TMEM163: variants seen among roughly 807,000 people sequenced by gnomAD.
TMEM163 encodes transmembrane protein 163.
TMEM163 carries 17 observed loss-of-function variants against 29.3 expected under a neutral mutation model. That is an observed-to-expected ratio of 0.58 (90% CI 0.40 to 0.87). The LOEUF (loss-of-function observed/expected upper bound fraction) is 0.87, where lower values mean the gene tolerates loss of function less well. Ranked by LOEUF, TMEM163 falls within the 40% of genes least tolerant of loss-of-function variation. TMEM163 has a pLI of 0.00. For missense variants in TMEM163, 303 were observed against 381.5 expected (o/e 0.79, Z 1.71); for synonymous variants, 157 against 160.6 (o/e 0.98, Z 0.17).
chr2:134,578,056 T>G (rs1182207588), intron 2 of TMEM163, among the ~76,000 whole-genome samples: 2 of 152,160 alleles, frequency 1.3e-5, no homozygotes, highest in African/African-American at 4.8e-5. Flanking sequence ...ATGACTCTAC[T>G]TCTATCATAA....
chr2:134,715,824 G>C (rs1685026651), intron 1 of TMEM163, among the ~76,000 whole-genome samples: 1 of 152,236 alleles, frequency 6.6e-6, no homozygotes, highest in African/African-American at 2.4e-5. Flanking sequence ...CCTCGGATTT[G>C]CAGGCAGGGC....
rs924525727 is a variant in TMEM163 at position 134,460,371 on chromosome 2, C to G, written c.668-2198G>C. On this transcript the variant is annotated intron_variant, in intron 6 of 7. Transcript: ENST00000281924. The surrounding 1 kb of genome is among the most constrained non-coding windows in gnomAD (Gnocchi z 4.3). ...GCCCTCAGCCCCTAAACTTCCTCCC[C>G]TCCACCCACCACTCCCTCCTGCCTC... is the stretch of plus-strand genomic sequence containing the variant. Among the ~76,000 whole-genome samples the G allele has an allele frequency of 2.0e-5, 3 of 152,130 alleles. No individual in the cohort carries two copies. The highest frequency in any genetic ancestry group is 4.4e-5 in the Non-Finnish European group (3 of 68,026).
Position 134,587,397 on chromosome 2 carries a change from C to T in TMEM163, c.323-35306G>A, listed in dbSNP as rs776247883. Among the ~76,000 whole-genome samples the T allele has an allele frequency of 9.9e-5, 15 of 152,138 alleles. No homozygotes were observed. In the East Asian group the frequency reaches 1.2e-3, roughly 12 times the overall value. The stretch of plus-strand genomic sequence containing the variant: ...TTGCACTCCAGCCTGGGTGACAGAG[C>T]GGGACTCTGTCAAAACAAACAAAGA... On this transcript the variant is annotated intron_variant, in intron 2 of 7. Transcript: ENST00000281924.
chr2:134,619,233 AC>A (rs1411956621), intron 2 of TMEM163, among the ~76,000 whole-genome samples: 2 of 152,206 alleles, frequency 1.3e-5, no homozygotes, highest in Non-Finnish European at 2.9e-5. Context: ...AAAGTAGAAG[AC>A]GAAGGAGCAC....
At chr2:134,536,431 C>T (rs543251279) in intron 4 of TMEM163, among the ~76,000 whole-genome samples, 6 of 152,210 alleles carry the variant, frequency 3.9e-5, no homozygotes, top group East Asian at 3.9e-4. Context: ...ACATAGCACG[C>T]GAAGACTCCC....
intron 2 of TMEM163, among the ~76,000 whole-genome samples, chr2:134,650,921 A>G (rs2104847880): frequency 8.0e-6 from 1 of 124,694 alleles, no homozygotes; most frequent in African/African-American, 3.8e-5. Flanking sequence ...TATGTGCCAC[A>G]TTTTCTTAAT....
rs1412667065 is a variant in TMEM163, at chr2:134,708,918, G to C, written c.322+4282C>G. 2.6e-5 allele frequency among the ~76,000 whole-genome samples: 4 copies of C among 152,160 alleles called. No homozygotes were observed. In the South Asian group the frequency reaches 8.3e-4, roughly 32 times the overall value. The stretch of plus-strand genomic sequence containing the variant: ...ACCTAATTTTGAGTGAGCTTTTTCT[G>C]AGAAGATCTGGGTTTGGAGTACTTT... On this transcript the variant is annotated intron_variant, in intron 2 of 7. Coordinates refer to ENST00000281924, the MANE Select transcript of TMEM163 (RefSeq NM_030923.5).
intron 2 of TMEM163, among the ~76,000 whole-genome samples, chr2:134,694,271 G>T (rs540824879): frequency 4.6e-5 from 7 of 152,268 alleles, no homozygotes; most frequent in African/African-American, 1.7e-4. Context: ...TTGGGACTGG[G>T]CAACATAAAC....
rs1285181044 is a variant in TMEM163 at position 134,718,476 on chromosome 2, G to C, written c.202+258C>G. On this transcript the variant is annotated intron_variant, in intron 1 of 7. Coordinates refer to ENST00000281924, the MANE Select transcript of TMEM163 (RefSeq NM_030923.5). ...GAGGGCCTGGAGCTGGCGGAGAGGA[G>C]GGCGCGAGTCCAGGCGGGGTCGGCC... Among the ~76,000 whole-genome samples the C allele has an allele frequency of 7.2e-5, 11 of 152,360 alleles. No individual in the cohort carries two copies. The East Asian group carries it at 1.5e-3, about 21-fold the overall frequency.
intron 2 of TMEM163, among the ~76,000 whole-genome samples, chr2:134,612,097 C>G (rs1682516648): frequency 1.3e-5 from 2 of 152,204 alleles, no homozygotes; most frequent in Non-Finnish European, 2.9e-5. Context: ...GGACTTGGAG[C>G]TCCCTGAAAA....
intron 2 of TMEM163, among the ~76,000 whole-genome samples, chr2:134,605,944 T>C (rs1682345587): frequency 6.6e-6 from 1 of 152,124 alleles, no homozygotes; most frequent in Non-Finnish European, 1.5e-5. Flanking sequence ...CTGGGACACA[T>C]ACAAAATTGA....
intron 5 of TMEM163, among the ~76,000 whole-genome samples, chr2:134,492,159 T>C (rs1179368159): frequency 1.3e-5 from 2 of 152,236 alleles, no homozygotes; most frequent in Non-Finnish European, 2.9e-5. Context: ...CTTCTTATTG[T>C]CTATTTACAG....
chr2:134,535,503 T>C (rs1165438477), intron 4 of TMEM163, among the ~76,000 whole-genome samples: 6 of 152,288 alleles, frequency 3.9e-5, no homozygotes, highest in African/African-American at 1.2e-4. Flanking sequence ...TTTCCCCCTC[T>C]AGTGGTTTGT....
At chr2:134,504,876 C>T (rs1415810948) in intron 4 of TMEM163, among the ~76,000 whole-genome samples, 11 of 152,202 alleles carry the variant, frequency 7.2e-5, no homozygotes, top group African/African-American at 2.7e-4. Context: ...GGTGAACCTA[C>T]TGGAGGGCCC....
At chr2:134,505,992 G>T (rs1322366612) in intron 4 of TMEM163, among the ~76,000 whole-genome samples, 1 of 152,134 alleles carries the variant, frequency 6.6e-6, no homozygotes, top group Non-Finnish European at 1.5e-5. Flanking sequence ...TGGAGTCTGA[G>T]GAGGCATCAA....
chr2:134,466,609 T>C (rs992745579), intron 5 of TMEM163: 11 of 194,244 alleles, frequency 5.7e-5, no homozygotes, highest in Non-Finnish European at 1.2e-4. Flanking sequence ...ACTGAGAATT[T>C]TGGAACACGT....
chr2:134,610,015 GCAAAAGGGACTGGT>G (rs1682463483), intron 2 of TMEM163, among the ~76,000 whole-genome samples: 1 of 152,196 alleles, frequency 6.6e-6, no homozygotes. Context: ...GTGGGGTGAG[GCAAAAGGGACTGGT>G]CAAACAAGAC....
intron 5 of TMEM163, among the ~76,000 whole-genome samples, chr2:134,502,376 C>A (rs996309503): frequency 1.3e-5 from 2 of 152,096 alleles, no homozygotes; most frequent in African/African-American, 4.8e-5. Context: ...ATCAGAGTGC[C>A]GGTAATGACT....
rs193148414 is a variant in TMEM163 at position 134,656,482 on chromosome 2, A to T, written c.322+56718T>A. Among the ~76,000 whole-genome samples the T allele has an allele frequency of 1.1e-4, 16 of 152,214 alleles. No individual in the cohort carries two copies. The East Asian group carries it at 2.7e-3, about 26-fold the overall frequency. On this transcript the variant is annotated intron_variant, in intron 2 of 7. Transcript: ENST00000281924. ...TAGTGAGAGAAACCCGGTACCTCAG[A>T]TGGAAATGCAGAAATCACCCGTCTT...
Sources: allele counts gnomAD v4.1 joint callset (sites outside exome capture counted in the v4.1 genomes callset), GRCh38; gene constraint gnomAD v4.1.1; non-coding constraint Gnocchi (gnomAD v3.1); transcripts MANE v1.5; gene names NCBI Gene and HGNC (gene_info 2026-07-23, HGNC 2026-07-21).